The following ZBTB20 variants were observed in gnomAD, a reference collection of about 807,000 sequenced individuals.
ZBTB20 encodes the protein zinc finger and BTB domain-containing protein 20.
ZBTB20 carries 9 observed loss-of-function variants against 56.9 expected under a neutral mutation model. The ratio of observed to expected loss-of-function variants is 0.16; its 90% confidence interval spans 0.10 to 0.28. The LOEUF (loss-of-function observed/expected upper bound fraction) is 0.28. Among genes scored for constraint, ZBTB20 ranks in the 10% least tolerant of loss-of-function variants. The pLI is 1.00. For missense variants in ZBTB20, 655 were observed against 1,003.0 expected (o/e 0.65, Z 4.69); for synonymous variants, 417 against 420.7 (o/e 0.99, Z 0.11).
intron 5 of ZBTB20, among the ~76,000 whole-genome samples, chr3:114,695,705 T>C (rs1181210181): frequency 6.6e-6 from 1 of 152,068 alleles, no homozygotes; most frequent in African/African-American, 2.4e-5. Flanking sequence ...TTAAAAAGCT[T>C]TGTGCAGATT....
At chr3:114,732,970 A>T (rs1302146533) in intron 5 of ZBTB20, among the ~76,000 whole-genome samples, 1 of 152,182 alleles carries the variant, frequency 6.6e-6, no homozygotes, top group African/African-American at 2.4e-5. Context: ...TAAAAGTAAC[A>T]AACAAATCAT....
chr3:114,877,435 C>T (rs1244066956), intron 4 of ZBTB20, among the ~76,000 whole-genome samples: 1 of 152,122 alleles, frequency 6.6e-6, no homozygotes, highest in South Asian at 2.1e-4. Flanking sequence ...AGCCACTAAG[C>T]CTCTATCAAC....
chr3:114,917,811 C>G (rs372569986), intron 3 of ZBTB20, among the ~76,000 whole-genome samples: 7 of 152,326 alleles, frequency 4.6e-5, no homozygotes, highest in Admixed American at 1.3e-4. Context: ...ACCACTGAGA[C>G]TGTGCTGGGT....
At chr3:115,052,451 T>C (rs1361434895) in intron 2 of ZBTB20, among the ~76,000 whole-genome samples, 1 of 151,752 alleles carries the variant, frequency 6.6e-6, no homozygotes, top group African/African-American at 2.4e-5. Context: ...AGTGAGACGC[T>C]TTCTCATGGA....
At chr3:115,143,859 ACC>A (rs2084889865) in intron 1 of ZBTB20, among the ~76,000 whole-genome samples, 1 of 152,218 alleles carries the variant, frequency 6.6e-6, no homozygotes, top group African/African-American at 2.4e-5. Context: ...ACTGGTAAAC[ACC>A]TTCCTCCTTC....
intron 4 of ZBTB20, among the ~76,000 whole-genome samples, chr3:114,863,709 C>T (rs914286449): frequency 2.0e-5 from 3 of 152,092 alleles, no homozygotes; most frequent in African/African-American, 2.4e-5. Flanking sequence ...ATAATCTGCC[C>T]GAGAGGTTCT....
At chr3:114,364,541 T>C (rs1210694069) in intron 10 of ZBTB20, among the ~76,000 whole-genome samples, 2 of 152,212 alleles carry the variant, frequency 1.3e-5, no homozygotes, top group South Asian at 2.1e-4. Flanking sequence ...CGTTCAGATA[T>C]GTTCGATTGT....
chr3:115,022,257 CAAGTT>C (rs1400590015), intron 2 of ZBTB20, among the ~76,000 whole-genome samples: 1 of 150,720 alleles, frequency 6.6e-6, no homozygotes, highest in Non-Finnish European at 1.5e-5. Flanking sequence ...TAAAAAGACT[CAAGTT>C]GATATTCTAA....
intron 6 of ZBTB20, among the ~76,000 whole-genome samples, chr3:114,534,651 C>T (rs2048257719): frequency 6.6e-6 from 1 of 152,168 alleles, no homozygotes; most frequent in Admixed American, 6.5e-5. Flanking sequence ...AAATAGACAT[C>T]TACAGAACTC....
At chr3:114,512,802 GC>G (rs1191183210) in intron 6 of ZBTB20, among the ~76,000 whole-genome samples, 1 of 152,042 alleles carries the variant, frequency 6.6e-6, no homozygotes. Context: ...TGGAGCCTCA[GC>G]CCCTAAGATA....
At chr3:114,997,157 C>A (rs1156313037) in intron 2 of ZBTB20, among the ~76,000 whole-genome samples, 2 of 151,720 alleles carry the variant, frequency 1.3e-5, no homozygotes, top group African/African-American at 4.8e-5. Context: ...AAACAGAAGA[C>A]AAAGAGAGAA....
intron 7 of ZBTB20, among the ~76,000 whole-genome samples, chr3:114,435,354 T>G (rs1368340119): frequency 6.6e-6 from 1 of 152,188 alleles, no homozygotes; most frequent in Non-Finnish European, 1.5e-5. Flanking sequence ...TTTACATATG[T>G]TATCTCATTT....
chr3:114,881,347 A>G (rs1381146542), intron 4 of ZBTB20, among the ~76,000 whole-genome samples: 1 of 152,080 alleles, frequency 6.6e-6, no homozygotes, highest in Admixed American at 6.5e-5. Flanking sequence ...TCAAGGTACA[A>G]ATAAATCTAT....
At chr3:114,937,241 A>G (rs1294260419) in intron 3 of ZBTB20, among the ~76,000 whole-genome samples, 1 of 152,146 alleles carries the variant, frequency 6.6e-6, no homozygotes, top group East Asian at 1.9e-4. Flanking sequence ...CTAACAGTGT[A>G]AAAGCGTTCT....
chr3:115,083,972 T>C (rs531682107), intron 1 of ZBTB20, among the ~76,000 whole-genome samples: 284 of 152,102 alleles, frequency 1.9e-3, no homozygotes, highest in African/African-American at 6.3e-3. Flanking sequence ...TGCTCATAAC[T>C]GAACAAAGTT....
intron 3 of ZBTB20, among the ~76,000 whole-genome samples, chr3:114,950,883 T>C (rs1020510715): frequency 6.6e-6 from 1 of 152,134 alleles, no homozygotes; most frequent in East Asian, 1.9e-4. Context: ...CACATGTAAA[T>C]GCAACATAAT....
At chr3:114,675,007 C>G (rs2108201781) in intron 6 of ZBTB20, among the ~76,000 whole-genome samples, 1 of 149,906 alleles carries the variant, frequency 6.7e-6, no homozygotes, top group South Asian at 2.1e-4. Context: ...GCAAGTGCTG[C>G]CCAAAATAAT....
At chr3:115,102,161 G>A (rs1450938800) in intron 1 of ZBTB20, among the ~76,000 whole-genome samples, 3 of 152,102 alleles carry the variant, frequency 2.0e-5, no homozygotes, top group Non-Finnish European at 2.9e-5. Context: ...TAGTCTCATC[G>A]TAATCCACCA....
chr3:114,692,187 T>C (rs2062735907), intron 6 of ZBTB20, among the ~76,000 whole-genome samples: 1 of 151,888 alleles, frequency 6.6e-6, no homozygotes, highest in Non-Finnish European at 1.5e-5. Context: ...GCAAAAGGAG[T>C]GACAAATTAA....
Sources: allele counts gnomAD v4.1 joint callset (sites outside exome capture counted in the v4.1 genomes callset), GRCh38; gene constraint gnomAD v4.1.1; transcripts MANE v1.5; gene names NCBI Gene and HGNC (gene_info 2026-07-23, HGNC 2026-07-21).